The following EHD4 variants were observed in gnomAD, a reference collection of about 807,000 sequenced individuals.
EHD4 encodes EH domain-containing protein 4.
EHD4 carries 37 observed loss-of-function variants against 51.0 expected under a neutral mutation model. The ratio of observed to expected loss-of-function variants is 0.73; its 90% CI spans 0.56 to 0.95. EHD4 has a LOEUF of 0.95. Ranked by LOEUF, EHD4 falls within the 40% of genes least tolerant of loss-of-function variation. The pLI, the probability that EHD4 is intolerant of heterozygous loss-of-function variation, is 0.00. For synonymous variants in EHD4, 297 were observed against 317.3 expected (o/e 0.94, Z 0.68); for missense variants, 632 against 733.1 (o/e 0.86, Z 1.59).
chr15:41,904,849 C>T (rs1444377869), intron 5 of EHD4, among the ~76,000 whole-genome samples: 1 of 152,240 alleles, frequency 6.6e-6, no homozygotes, highest in Non-Finnish European at 1.5e-5. Flanking sequence ...CACGGTCCCT[C>T]CCCAGAGCGT....
chr15:41,906,177 T>G (rs1364624315), intron 5 of EHD4, among the ~76,000 whole-genome samples: 1 of 152,250 alleles, frequency 6.6e-6, no homozygotes, highest in Non-Finnish European at 1.5e-5. Flanking sequence ...TGGCTGCTTT[T>G]CTTTGATTGA....
chr15:41,929,025 G>A (rs1234393714), intron 3 of EHD4: 2 of 152,192 alleles, frequency 1.3e-5, no homozygotes, highest in Non-Finnish European at 2.9e-5. Flanking sequence ...CTTTCAGCTG[G>A]TAATGGCCAC....
chr15:41,901,901 A>G (rs1280329820), intron 5 of EHD4, among the ~76,000 whole-genome samples: 1 of 152,222 alleles, frequency 6.6e-6, no homozygotes, highest in East Asian at 1.9e-4. Flanking sequence ...GAGACCTTGC[A>G]TATACAACAT....
chr15:41,905,048 T>C (rs1165115286), intron 5 of EHD4, among the ~76,000 whole-genome samples: 1 of 152,244 alleles, frequency 6.6e-6, no homozygotes, highest in Non-Finnish European at 1.5e-5. Context: ...GACCCTGATA[T>C]GTGCAAAGAT....
At chr15:41,908,547 C>T (rs1451133817) in intron 5 of EHD4, 3 of 152,198 alleles carry the variant, frequency 2.0e-5, no homozygotes, top group Non-Finnish European at 4.4e-5. Flanking sequence ...AGCCCATATG[C>T]AGGTGGGCTT....
intron 3 of EHD4, chr15:41,928,264 T>C (rs555116728): frequency 4.9e-4 from 75 of 152,366 alleles, no homozygotes; most frequent in African/African-American, 1.7e-3. Flanking sequence ...ATTCCTGCAC[T>C]GCCCTGTGAG....
At chr15:41,963,159 A>G (rs1399398902) in intron 1 of EHD4, among the ~76,000 whole-genome samples, 14 of 152,320 alleles carry the variant, frequency 9.2e-5, no homozygotes, top group Non-Finnish European at 1.0e-4. Flanking sequence ...ACACTGCGGA[A>G]GGCCGCAGGG....
intron 1 of EHD4, among the ~76,000 whole-genome samples, chr15:41,964,016 G>A (rs1330814125): frequency 6.6e-6 from 1 of 151,518 alleles, no homozygotes; most frequent in Admixed American, 6.6e-5. Context: ...GTGGTGGTGG[G>A]CGCCTGTAGT....
intron 3 of EHD4, among the ~76,000 whole-genome samples, chr15:41,931,857 A>G (rs1008370817): frequency 6.6e-6 from 1 of 151,940 alleles, no homozygotes; most frequent in African/African-American, 2.4e-5. Flanking sequence ...TTGTATTTTT[A>G]GTAGAGACAG....
intron 2 of EHD4, among the ~76,000 whole-genome samples, chr15:41,952,937 C>A (rs1049394246): frequency 1.5e-5 from 2 of 130,016 alleles, no homozygotes; most frequent in Non-Finnish European, 3.1e-5. Flanking sequence ...TTGCAGTGAG[C>A]GGAGATCATG....
At chr15:41,970,588 A>G (rs926989047) in intron 1 of EHD4, among the ~76,000 whole-genome samples, 2 of 152,268 alleles carry the variant, frequency 1.3e-5, no homozygotes, top group South Asian at 2.1e-4. Flanking sequence ...CTGGGAGTTG[A>G]TAATCAGGCT....
In EHD4 at chr15:41,899,815, T is replaced by C. The variant is rs1761935036; in HGVS notation, c.*830A>G. On this transcript the variant is annotated 3_prime_UTR_variant, in exon 6 of 6. Transcript: ENST00000220325. ...GATAAGTGGGCTTTGCTATTACTTA[T>C]TGGAAAAACCAGTAAGAAAAGCTAA... 6.6e-6 allele frequency: 1 copy of C among 152,240 alleles called. No homozygotes were observed. Among genetic ancestry groups the C allele is most frequent in the Non-Finnish European group, 1.5e-5 (1 of 68,040 alleles). 9.4% of individuals were successfully genotyped at this position (152,240 alleles called of 1,614,324 possible). A position where few individuals can be genotyped will look rare whatever the true frequency, so the allele number is the denominator to read the frequency against.
intron 1 of EHD4, among the ~76,000 whole-genome samples, chr15:41,960,220 C>T (rs189912500): frequency 1.5e-4 from 23 of 152,288 alleles, no homozygotes; most frequent in Middle Eastern, 3.4e-3. Flanking sequence ...ATCCTCACTG[C>T]CATGGGAGCA....
intron 3 of EHD4, among the ~76,000 whole-genome samples, chr15:41,938,533 A>G (rs2067746340): frequency 6.6e-6 from 1 of 152,192 alleles, no homozygotes; most frequent in Non-Finnish European, 1.5e-5. Context: ...TTGGTTTATA[A>G]TGAATAGGCT....
In EHD4 at chr15:41,943,298, GA is replaced by G. The variant is rs765620511; in HGVS notation, c.414-135del. 1.4e-5 allele frequency: 9 copies of G among 625,160 alleles called. No homozygotes were observed. In the East Asian group the frequency reaches 2.7e-4, roughly 18 times the overall value. 38.7% of individuals were successfully genotyped at this position (625,160 alleles called of 1,614,324 possible). A position where few individuals can be genotyped will look rare whatever the true frequency, so the allele number is the denominator to read the frequency against. ...CTGAAGGAGACTGACAGAAACTGAG[GA>G]TGCCTAATGAAGTTGTTTGTGAAGT... On this transcript the variant is annotated intron_variant, in intron 2 of 5. Coordinates refer to ENST00000220325, the MANE Select transcript of EHD4 (RefSeq NM_139265.4).
chr15:41,947,060 G>A (rs866013106), intron 2 of EHD4, among the ~76,000 whole-genome samples: 1 of 152,186 alleles, frequency 6.6e-6, no homozygotes, highest in Non-Finnish European at 1.5e-5. Flanking sequence ...AGGAGACTGG[G>A]CACAGAGCAG....
At chr15:41,952,540 T>C (rs1389945717) in intron 2 of EHD4, among the ~76,000 whole-genome samples, 1 of 151,400 alleles carries the variant, frequency 6.6e-6, no homozygotes, top group Admixed American at 6.6e-5. Flanking sequence ...AAGGGCAGAG[T>C]TGTAGCCAGG....
intron 3 of EHD4, among the ~76,000 whole-genome samples, chr15:41,922,586 C>T (rs2067634109): frequency 6.6e-6 from 1 of 152,236 alleles, no homozygotes; most frequent in Non-Finnish European, 1.5e-5. Flanking sequence ...GATGCAGTCT[C>T]TCTTCCTCCC....
At chr15:41,916,856 A>G (rs2067587810) in intron 4 of EHD4, among the ~76,000 whole-genome samples, 1 of 152,222 alleles carries the variant, frequency 6.6e-6, no homozygotes, top group Non-Finnish European at 1.5e-5. Context: ...GCCAGATACT[A>G]TTCTTAGGAA....
Sources: allele counts gnomAD v4.1 joint callset (sites outside exome capture counted in the v4.1 genomes callset), GRCh38; gene constraint gnomAD v4.1.1; transcripts MANE v1.5; gene names NCBI Gene and HGNC (gene_info 2026-07-23, HGNC 2026-07-21).